Variants in PIWIL4 observed in about 807,000 individuals in gnomAD.
The protein encoded by PIWIL4 is piwi like RNA-mediated gene silencing 4.
A neutral mutation model predicts 100.9 loss-of-function variants in PIWIL4; 50 were observed. The ratio of observed to expected loss-of-function variants is 0.50; its 90% CI spans 0.39 to 0.63. The LOEUF is 0.63. Ranked by LOEUF, PIWIL4 falls within the 20% of genes least tolerant of loss-of-function variation. The pLI is 0.00. For synonymous variants in PIWIL4, 342 were observed against 367.5 expected (o/e 0.93, Z 0.79); for missense variants, 887 against 1,043.3 (o/e 0.85, Z 2.06).
intron 2 of PIWIL4, among the ~76,000 whole-genome samples, chr11:94,574,777 T>G (rs1459605804): frequency 6.6e-6 from 1 of 152,210 alleles, no homozygotes; most frequent in East Asian, 1.9e-4. Flanking sequence ...TCACGACATC[T>G]GGCCAAGATC....
intron 5 of PIWIL4, among the ~76,000 whole-genome samples, chr11:94,584,750 G>A (rs1020258232): frequency 6.6e-6 from 1 of 152,102 alleles, no homozygotes; most frequent in Non-Finnish European, 1.5e-5. Context: ...AGTACCTGGG[G>A]AGCCTGAGCA....
chr11:94,606,255 T>C (rs1035183930), intron 13 of PIWIL4, among the ~76,000 whole-genome samples: 2 of 152,236 alleles, frequency 1.3e-5, no homozygotes, highest in Admixed American at 6.5e-5. Context: ...CTTTTCTTGC[T>C]TGGAGCCAAA....
In PIWIL4 at chr11:94,595,305, A is replaced by G; in HGVS notation, c.1151-4A>G. The G allele has an allele frequency of 6.2e-7, 1 of 1,611,762 alleles. No homozygotes were observed. Among genetic ancestry groups the G allele is most frequent in the Admixed American group, 1.7e-5 (1 of 59,942 alleles). On this transcript the variant is annotated splice_polypyrimidine_tract_variant and splice_region_variant and intron_variant, in intron 9 of 19. Transcript: ENST00000299001. ...CTCACTTTGTCTTCATTTGCATTTA[A>G]TAGGGCTGACTGACCAGGCAACATC...
rs1464563170 is a variant in PIWIL4, at chr11:94,585,428, A to G, written c.636-17A>G. ...CTGACTGATATTTACCAAAAATTCA[A>G]AAAAATATACTTGCAGGATCCTCAA... On this transcript the variant is annotated splice_polypyrimidine_tract_variant and intron_variant, in intron 5 of 19. Coordinates refer to ENST00000299001, the MANE Select transcript of PIWIL4 (RefSeq NM_152431.3). The G allele has an allele frequency of 3.1e-6, 5 of 1,594,430 alleles. No individual in the cohort carries two copies. The South Asian group carries it at 5.7e-5, about 18-fold the overall frequency.
At chr11:94,578,906 T>A (rs903353518) in intron 4 of PIWIL4, among the ~76,000 whole-genome samples, 1 of 152,236 alleles carries the variant, frequency 6.6e-6, no homozygotes, top group African/African-American at 2.4e-5. Context: ...AGTGAATCAC[T>A]CCTTTCCTTT....
chr11:94,601,710 A>G, intron 11 of PIWIL4, 85 bp from the exon 12 acceptor site: 1 of 1,316,096 alleles, frequency 7.6e-7, no homozygotes, highest in South Asian at 1.2e-5. Flanking sequence ...AGTTATAACA[A>G]AAGTTGGCCA....
chr11:94,609,029 G>A (rs372924122), intron 15 of PIWIL4, among the ~76,000 whole-genome samples: 3 of 152,290 alleles, frequency 2.0e-5, no homozygotes, highest in South Asian at 4.1e-4. Context: ...TCGAGCAGTT[G>A]ATCTTTGAAA....
At chr11:94,587,620 T>C (rs1177049061) in intron 7 of PIWIL4, among the ~76,000 whole-genome samples, 3 of 152,268 alleles carry the variant, frequency 2.0e-5, no homozygotes, top group Non-Finnish European at 4.4e-5. Flanking sequence ...TCTAATGTCC[T>C]GGCTTTTCTG....
chr11:94,602,575 A>G (rs151285016), intron 12 of PIWIL4, among the ~76,000 whole-genome samples: 1 of 152,198 alleles, frequency 6.6e-6, no homozygotes, highest in Non-Finnish European at 1.5e-5. Context: ...ATAAATAAAT[A>G]GTTTTTCATT....
intron 6 of PIWIL4, among the ~76,000 whole-genome samples, chr11:94,586,732 T>C (rs541376905): frequency 2.6e-5 from 4 of 152,230 alleles, no homozygotes; most frequent in African/African-American, 9.6e-5. Flanking sequence ...GTCTAGTGGG[T>C]AGAGGCCAGG....
intron 7 of PIWIL4, 24 bp from the exon 8 acceptor site, chr11:94,589,097 T>G: frequency 1.3e-6 from 2 of 1,545,774 alleles, no homozygotes; most frequent in Non-Finnish European, 1.8e-6. Flanking sequence ...AAAAAACAAT[T>G]TAAAGACTTT....
At chr11:94,578,564 G>C (rs1948273030) in intron 4 of PIWIL4, among the ~76,000 whole-genome samples, 1 of 152,084 alleles carries the variant, frequency 6.6e-6, no homozygotes, top group Non-Finnish European at 1.5e-5. Flanking sequence ...TTCGTAAACT[G>C]CTGATTTCTT....
rs7119735 is a variant in PIWIL4, at chr11:94,593,544, G to A, written c.1053G>A (p.Leu351=). 59,338 of 1,613,540 alleles carry A rather than the reference G, an allele frequency of 0.037. 2,837 individuals are homozygous for A. The highest frequency in any genetic ancestry group is 0.18 in the African/African-American group (13,458 of 74,970). The change falls in exon 9 of 20, where the codon CTG becomes CTA. Residue 351 remains leucine (L), a synonymous_variant. Coordinates refer to ENST00000299001, the MANE Select transcript of PIWIL4 (RefSeq NM_152431.3). ...KQQYDITVSD[L]NQPMLVSLLK... ...AGTATGATATTACTGTATCGGACCTGAATCAGCCCATGCTTGTTAGTCTGT... is the reference window on the plus strand; with the variant it reads ...AGTATGATATTACTGTATCGGACCTAAATCAGCCCATGCTTGTTAGTCTGT...
At chr11:94,589,313 C>G in intron 8 of PIWIL4, 81 bp downstream of exon 8, 1 of 1,232,042 alleles carries the variant, frequency 8.1e-7, no homozygotes, top group Non-Finnish European at 1.2e-6. Context: ...CAGAGGTCCC[C>G]CAGATTGGAG....
rs1161766016 is a variant in PIWIL4, at chr11:94,593,647, G to A, written c.1150+6G>A. 2 of 1,613,392 alleles carry A rather than the reference G, an allele frequency of 1.2e-6. No individual in the cohort carries two copies. Among genetic ancestry groups the A allele is most frequent in the East Asian group, 2.2e-5 (1 of 44,876 alleles). ...TGAGCTCTGCTTTCTAACAGGTAAT[G>A]TTTGTGTTTTATACCTCTGTCAGGC... On this transcript the variant is annotated splice_donor_region_variant and intron_variant, in intron 9 of 19. Transcript: ENST00000299001.
intron 3 of PIWIL4, 25 bp from the exon 4 acceptor site, chr11:94,577,253 A>G (rs570941599): frequency 1.3e-6 from 2 of 1,540,054 alleles, no homozygotes; most frequent in South Asian, 1.1e-5. Flanking sequence ...TGATTAAAAA[A>G]TTGTTTTTTG....
intron 19 of PIWIL4, 120 bp downstream of exon 19, chr11:94,620,264 GGAAT>G (rs1199613587): frequency 7.2e-5 from 80 of 1,109,134 alleles, no homozygotes; most frequent in Middle Eastern, 6.1e-4. Context: ...TCCTAAAGAA[GGAAT>G]GAATGAATGA....
intron 13 of PIWIL4, among the ~76,000 whole-genome samples, chr11:94,605,858 T>C (rs1027329799): frequency 1.3e-5 from 2 of 152,218 alleles, no homozygotes; most frequent in Non-Finnish European, 2.9e-5. Flanking sequence ...CCAGTGGGAT[T>C]CCCCTTCAAG....
chr11:94,597,829 G>C lies in PIWIL4; in HGVS notation c.1294G>C (p.Glu432Gln), dbSNP rs1948576199. 1.2e-6 allele frequency: 2 copies of C among 1,613,730 alleles called. No homozygotes were observed. The highest frequency in any genetic ancestry group is 1.1e-5 in the South Asian group (1 of 91,030). The part of the protein sequence containing the change: ...QRNTNARFEL[E>Q]TWGLHFGSQI... ...GAATACCAATGCTCGCTTTGAACTA[G>C]AGACCTGGGGACTGCATTTTGGAAG... The change falls in exon 11 of 20, where the codon GAG (glutamate) becomes CAG (glutamine). Residue 432 changes from glutamate to glutamine, a missense_variant. Physicochemically the swap from Glu to Gln is conservative, Grantham distance 29 (BLOSUM62 2). Around this residue, in one of 2 missense-constraint regions of PIWIL4, gnomAD observed 741 missense variants for 930.0 expected, o/e 0.80. Coordinates refer to ENST00000299001, the MANE Select transcript of PIWIL4 (RefSeq NM_152431.3).
Sources: gnomAD v4.1 joint callset for allele counts (sites outside exome capture counted in the v4.1 genomes callset) on GRCh38, gnomAD v4.1.1 for gene constraint, gnomAD v4.1.1 regional missense constraint, MANE v1.5 for transcripts, NCBI Gene and HGNC (gene_info 2026-07-23, HGNC 2026-07-21) for gene names.